PALLD: variants seen among roughly 807,000 people sequenced by gnomAD.
PALLD encodes the protein palladin, cytoskeletal associated protein.
In PALLD, 61 loss-of-function variants were observed where a neutral mutation model predicts 123.5. The ratio of observed to expected loss-of-function variants is 0.49; its 90% CI spans 0.40 to 0.61. The LOEUF (loss-of-function observed/expected upper bound fraction) is 0.61, where lower values mean the gene tolerates loss of function less well. Among genes scored for constraint, PALLD ranks in the 20% least tolerant of loss-of-function variants. The pLI is 0.00. For missense variants in PALLD, 1,273 were observed against 1,377.0 expected, an observed-to-expected ratio of 0.92 and a Z score of 1.20; for synonymous variants, 465 against 496.4, an observed-to-expected ratio of 0.94 and a Z score of 0.84.
chr4:168,564,673 G>A (rs1162594328), intron 2 of PALLD, among the ~76,000 whole-genome samples: 2 of 152,084 alleles, frequency 1.3e-5, no homozygotes, highest in East Asian at 1.9e-4. Context: ...TAAAATAACA[G>A]CCTATATAAA....
At chr4:168,590,864 GTTTTTTTTTTTTTTTTT>G (rs371992201) in intron 2 of PALLD, among the ~76,000 whole-genome samples, 2 of 70,194 alleles carry the variant, frequency 2.8e-5, no homozygotes, top group African/African-American at 6.4e-5. Context: ...GACCTAGAAA[GTTTTTTTTTTTTTTTTT>G]TTTTTTTTTT....
intron 10 of PALLD, among the ~76,000 whole-genome samples, chr4:168,843,383 G>T (rs1746330232): frequency 6.6e-6 from 1 of 151,736 alleles, no homozygotes; most frequent in Admixed American, 6.6e-5. Context: ...CTCCTTAAAA[G>T]GAGTATTTTA....
At chr4:168,522,277 C>T (rs779152643) in intron 2 of PALLD, among the ~76,000 whole-genome samples, 11 of 152,294 alleles carry the variant, frequency 7.2e-5, no homozygotes, top group Non-Finnish European at 8.8e-5. Context: ...GTAACAAATG[C>T]AGGCTTTTCC....
Position 168,668,188 on chromosome 4 carries a change from A to C in PALLD, c.909-2A>C. 6.2e-7 allele frequency: 1 copy of C among 1,613,380 alleles called. No homozygotes were observed. Among genetic ancestry groups the C allele is most frequent in the Non-Finnish European group, 8.5e-7 (1 of 1,179,294 alleles). On this transcript the variant is annotated splice_acceptor_variant, in intron 2 of 21. Transcript: ENST00000505667. LOFTEE classifies it high-confidence loss of function. ...ATCCTTTGACCTCCATTTGGCCTGC[A>C]GATGGTTCTGTGAAGGGAAAGAACT...
At chr4:168,531,456 C>G (rs1454872414) in intron 2 of PALLD, among the ~76,000 whole-genome samples, 2 of 152,198 alleles carry the variant, frequency 1.3e-5, no homozygotes, top group Admixed American at 1.3e-4. Flanking sequence ...TCCATTACCA[C>G]TCAGTGTCCG....
chr4:168,675,558 T>C (rs974457100), intron 3 of PALLD, among the ~76,000 whole-genome samples: 3 of 152,220 alleles, frequency 2.0e-5, no homozygotes, highest in Non-Finnish European at 2.9e-5. Flanking sequence ...CTTCGTGTTA[T>C]CTATTTTAAA....
intron 10 of PALLD, among the ~76,000 whole-genome samples, chr4:168,778,042 A>T (rs1735412356): frequency 6.6e-6 from 1 of 152,218 alleles, no homozygotes; most frequent in Admixed American, 6.5e-5. Flanking sequence ...GAACTTTGTG[A>T]ACTTTGTGTT....
rs571262496 is a variant in PALLD, at chr4:168,497,687, A to G, written c.-83+493A>G. On this transcript the variant is annotated intron_variant, in intron 1 of 21. Transcript: ENST00000505667. Reference sequence around the variant, plus strand: ...AGATTCTAAAAGTAACTCACTGGACATAATTAAATGAGTTGGGATAGTAAC... The same window carrying G: ...AGATTCTAAAAGTAACTCACTGGACGTAATTAAATGAGTTGGGATAGTAAC... Among the ~76,000 whole-genome samples the G allele has an allele frequency of 3.9e-5, 6 of 152,372 alleles. No homozygotes were observed. The South Asian group carries it at 6.2e-4, about 16-fold the overall frequency.
At chr4:168,807,235 A>C (rs1740341017) in intron 10 of PALLD, among the ~76,000 whole-genome samples, 4 of 151,900 alleles carry the variant, frequency 2.6e-5, no homozygotes, top group African/African-American at 7.3e-5. Context: ...CTTTAGGGAG[A>C]AATTTGGGGG....
At chr4:168,581,783 A>G (rs937225439) in intron 2 of PALLD, among the ~76,000 whole-genome samples, 2 of 151,384 alleles carry the variant, frequency 1.3e-5, no homozygotes, top group African/African-American at 4.8e-5. Context: ...CCATTTAACT[A>G]TTTTTACTTT....
intron 1 of PALLD, among the ~76,000 whole-genome samples, chr4:168,508,197 C>T (rs1473775814): frequency 3.3e-5 from 5 of 152,096 alleles, no homozygotes; most frequent in African/African-American, 7.2e-5. Context: ...ATGCTAGTTG[C>T]CCTGATCTGA....
rs864622531 is a variant in PALLD, at chr4:168,890,931, AAAG to A, written c.1978_1980del (p.Lys660del). The A allele has an allele frequency of 5.3e-5, 86 of 1,613,940 alleles. No homozygotes were observed. The highest frequency in any genetic ancestry group is 7.0e-5 in the Non-Finnish European group (83 of 1,179,950). The stretch of plus-strand genomic sequence containing the variant: ...TGTTTTTATCCTGCAGAGGATTTCC[AAAG>A]AAGGCCAGTAGAACTGCTAGAATAG... On this transcript the variant is annotated inframe_deletion, in exon 11 of 22. Transcript: ENST00000505667.
chr4:168,615,771 A>T (rs1774168443), intron 2 of PALLD, among the ~76,000 whole-genome samples: 1 of 152,110 alleles, frequency 6.6e-6, no homozygotes, highest in African/African-American at 2.4e-5. Flanking sequence ...ATGAAGGGTA[A>T]CCATTCCGAA....
chr4:168,888,318 C>T (rs1002496632), intron 10 of PALLD, among the ~76,000 whole-genome samples: 37 of 152,118 alleles, frequency 2.4e-4, no homozygotes, highest in African/African-American at 8.9e-4. Flanking sequence ...GCATATTTTC[C>T]ACTGTAGGTA....
Position 168,711,597 on chromosome 4 carries a change from TAG to T in PALLD, c.1639_1640del (p.Ser547LeufsTer10), listed in dbSNP as rs1784843680. ...CTTCCTTAGCCAACACTGAAAACTG[TAG>T]TTACGAGTCAATGGGAGAATCCAAC... ...VVTSANTENC[S>X]YESMGESNND... On this transcript the variant is annotated frameshift_variant, in exon 10 of 22. Coordinates refer to ENST00000505667, the MANE Select transcript of PALLD (RefSeq NM_001166108.2). LOFTEE classifies it high-confidence loss of function. 1 of 1,613,576 alleles carries T rather than the reference TAG, an allele frequency of 6.2e-7. No homozygotes were observed. Among genetic ancestry groups the T allele is most frequent in the Non-Finnish European group, 8.5e-7 (1 of 1,179,464 alleles).
At chr4:168,910,788 C>T (rs983404407) in intron 15 of PALLD, among the ~76,000 whole-genome samples, 2 of 152,154 alleles carry the variant, frequency 1.3e-5, no homozygotes, top group Non-Finnish European at 2.9e-5. Flanking sequence ...GATTCCAGAG[C>T]TACTGAATGC....
At chr4:168,874,319 G>C (rs1318969078) in intron 10 of PALLD, among the ~76,000 whole-genome samples, 1 of 152,168 alleles carries the variant, frequency 6.6e-6, no homozygotes, top group Non-Finnish European at 1.5e-5. Flanking sequence ...AGTGGTAGGA[G>C]AGATGACTGA....
At position 168,730,603 on chromosome 4, in the gene PALLD, A is replaced by G. The variant is rs184046875; in HGVS notation, c.1964+18680A>G. ...TTGATTGGAAACTATATGCTTAGCT[A>G]GAATGTGTCAATGGGCAGGCTTTAC... On this transcript the variant is annotated intron_variant, in intron 10 of 21. Transcript: ENST00000505667. Among the ~76,000 whole-genome samples, 45 of 152,270 alleles carry G rather than the reference A, an allele frequency of 3.0e-4. No homozygotes were observed. In the East Asian group the frequency reaches 6.0e-3, roughly 20 times the overall value.
At chr4:168,655,612 C>T (rs183344460) in intron 2 of PALLD, among the ~76,000 whole-genome samples, 3 of 152,324 alleles carry the variant, frequency 2.0e-5, no homozygotes, top group Admixed American at 6.5e-5. Flanking sequence ...AATAAAGAAG[C>T]GAAGCCTTTT....
Sources: gnomAD v4.1 joint callset for allele counts (sites outside exome capture counted in the v4.1 genomes callset) on GRCh38, gnomAD v4.1.1 for gene constraint, MANE v1.5 for transcripts, NCBI Gene and HGNC (gene_info 2026-07-23, HGNC 2026-07-21) for gene names.